STX19: variants seen among roughly 807,000 people sequenced by gnomAD.
STX19 encodes syntaxin-19.
Under a neutral mutation model 24.3 loss-of-function variants are expected in STX19, and 26 were observed. The ratio of observed to expected loss-of-function variants is 1.07; its 90% CI spans 0.78 to 1.48. STX19 has a LOEUF of 1.48. Ranked by LOEUF, STX19 falls within the 40% of genes most tolerant of loss-of-function variation. The probability of loss-of-function intolerance (pLI) is 0.00; values close to 1 mark genes in which losing one functional copy is unlikely to be tolerated. For synonymous variants in STX19, 116 were observed against 106.9 expected (o/e 1.09, Z -0.52); for missense variants, 367 against 331.9 (o/e 1.11, Z -0.82).
At chr3:94,017,157 A>G (rs903016533) in intron 1 of STX19, among the ~76,000 whole-genome samples, 1 of 152,128 alleles carries the variant, frequency 6.6e-6, no homozygotes, top group African/African-American at 2.4e-5. Flanking sequence ...AGATTGGAAA[A>G]CCATACCAAA....
intron 1 of STX19, among the ~76,000 whole-genome samples, chr3:94,018,240 G>A (rs1045682701): frequency 2.0e-5 from 3 of 146,690 alleles, no homozygotes; most frequent in Non-Finnish European, 4.5e-5. Flanking sequence ...TCTATATAGA[G>A]AATAGTTTCC....
intron 1 of STX19, among the ~76,000 whole-genome samples, chr3:94,019,040 A>G (rs1426282282): frequency 1.3e-5 from 2 of 152,140 alleles, no homozygotes; most frequent in Admixed American, 6.5e-5. Context: ...TGCTGGGATT[A>G]CAGCTGTGAG....
At chr3:94,017,569 TATATG>T (rs543032868) in intron 1 of STX19, among the ~76,000 whole-genome samples, 113 of 152,356 alleles carry the variant, frequency 7.4e-4, no homozygotes, top group African/African-American at 2.6e-3. Context: ...ATTGAAGTCT[TATATG>T]TATATAAGTT....
At chr3:94,027,645 A>G (rs1331947149) in intron 1 of STX19, among the ~76,000 whole-genome samples, 1 of 152,102 alleles carries the variant, frequency 6.6e-6, no homozygotes, top group African/African-American at 2.4e-5. Context: ...AATATTTATT[A>G]AATTCTAACA....
chr3:94,026,978 A>G (rs2076570989), intron 1 of STX19, among the ~76,000 whole-genome samples: 1 of 152,148 alleles, frequency 6.6e-6, no homozygotes, highest in Non-Finnish European at 1.5e-5. Context: ...TATTACAGAC[A>G]CTGAAAATCC....
intron 1 of STX19, among the ~76,000 whole-genome samples, chr3:94,020,091 A>G (rs1307906255): frequency 2.6e-5 from 4 of 152,142 alleles, no homozygotes; most frequent in Admixed American, 1.3e-4. Context: ...TTCTCCTCCC[A>G]GTATTAACTC....
In STX19 at chr3:94,015,280, C is replaced by T; in HGVS notation, c.-11G>A. 1 of 1,514,422 alleles carries T rather than the reference C, an allele frequency of 6.6e-7. No homozygotes were observed. The highest frequency in any genetic ancestry group is 1.4e-5 in the South Asian group (1 of 73,038). 93.8% of individuals were successfully genotyped at this position (1,514,422 alleles called of 1,614,324 possible). ...AAGTCGGTCTTTCATCTTCCCTTTCCTCCTAAGAAGCAAAAATTTTTGTGT... is the reference window on the plus strand; with the variant it reads ...AAGTCGGTCTTTCATCTTCCCTTTCTTCCTAAGAAGCAAAAATTTTTGTGT... On this transcript the variant is annotated splice_region_variant and 5_prime_UTR_variant, in exon 2 of 2. Coordinates refer to ENST00000315099, the MANE Select transcript of STX19 (RefSeq NM_001001850.3).
rs764659236 is a variant in STX19 at position 94,014,414 on chromosome 3, A to G, written c.856T>C (p.Trp286Arg). Residue 286 changes from tryptophan (W) to arginine (R), a missense_variant, in exon 2 of 2, where the codon TGG becomes CGG. By Grantham distance (101) the Trp-to-Arg change is moderately radical. Transcript: ENST00000315099. ...TTTGAGCTACAGCATGGACAGCACC[A>G]ACAACACAGTACTCTGCAAGGATTT... Reference protein sequence around the residue: ...KRNPCRVLCCWCCPCCSSK With the variant: ...KRNPCRVLCCRCCPCCSSK 8 of 1,563,208 alleles carry G rather than the reference A, an allele frequency of 5.1e-6. No individual in the cohort carries two copies. Among genetic ancestry groups the G allele is most frequent in the Non-Finnish European group, 6.9e-6 (8 of 1,163,042 alleles).
chr3:94,025,631 G>A (rs1422108665), intron 1 of STX19, among the ~76,000 whole-genome samples: 3 of 152,174 alleles, frequency 2.0e-5, no homozygotes, highest in Non-Finnish European at 4.4e-5. Flanking sequence ...AGAATGCTCT[G>A]AGTGTCCTGA....
intron 1 of STX19, among the ~76,000 whole-genome samples, chr3:94,020,324 A>C (rs911335290): frequency 6.6e-6 from 1 of 152,286 alleles, no homozygotes; most frequent in African/African-American, 2.4e-5. Context: ...CATGATCTCT[A>C]TTCTATAGAT....
At chr3:94,016,432 G>A (rs1369130803) in intron 1 of STX19, among the ~76,000 whole-genome samples, 1 of 152,002 alleles carries the variant, frequency 6.6e-6, no homozygotes, top group African/African-American at 2.4e-5. Flanking sequence ...GTAAAATTTG[G>A]AGGAATCTTT....
intron 1 of STX19, among the ~76,000 whole-genome samples, chr3:94,015,543 A>G (rs1238478446): frequency 6.6e-6 from 1 of 152,216 alleles, no homozygotes; most frequent in African/African-American, 2.4e-5. Context: ...TGATGCAGAC[A>G]CAGTTGGTCA....
intron 1 of STX19, 66 bp from the exon 2 acceptor site, chr3:94,015,348 C>T: frequency 8.1e-7 from 1 of 1,229,102 alleles, no homozygotes; most frequent in Non-Finnish European, 1.1e-6. Flanking sequence ...TAGCAGTTGA[C>T]TTCACATAAC....
intron 1 of STX19, among the ~76,000 whole-genome samples, chr3:94,018,890 C>T (rs1446677206): frequency 2.6e-5 from 4 of 152,036 alleles, no homozygotes; most frequent in African/African-American, 9.7e-5. Context: ...CTCAGCCTCC[C>T]GAGTGGCTGG....
rs2076295054 is a variant in STX19 at position 94,014,853 on chromosome 3, T to G, written c.417A>C (p.Ala139=). 2 of 1,613,990 alleles carry G rather than the reference T, an allele frequency of 1.2e-6. No individual in the cohort carries two copies. The highest frequency in any genetic ancestry group is 1.7e-6 in the Non-Finnish European group (2 of 1,179,988). ...VTRILKSQHA[A]MFRHFQQIMF... ...TGATTTGCTGAAAATGGCGGAACAT[T>G]GCAGCATGCTGAGATTTAAGTATCC... The change falls in exon 2 of 2, where the codon GCA becomes GCC. Residue 139 remains alanine (A), a synonymous_variant. Coordinates refer to ENST00000315099, the MANE Select transcript of STX19 (RefSeq NM_001001850.3).
intron 1 of STX19, among the ~76,000 whole-genome samples, chr3:94,016,132 GACAT>G (rs750279614): frequency 1.4e-4 from 22 of 151,774 alleles, no homozygotes; most frequent in South Asian, 2.1e-4. Flanking sequence ...TATATGAAAT[GACAT>G]ACATACATAT....
Position 94,015,282 on chromosome 3 carries a change from C to T in STX19, c.-13G>A, listed in dbSNP as rs1421210502. On this transcript the variant is annotated splice_region_variant and 5_prime_UTR_variant, in exon 2 of 2. Coordinates refer to ENST00000315099, the MANE Select transcript of STX19 (RefSeq NM_001001850.3). ...GTCGGTCTTTCATCTTCCCTTTCCTCCTAAGAAGCAAAAATTTTTGTGTTG... is the reference window on the plus strand; with the variant it reads ...GTCGGTCTTTCATCTTCCCTTTCCTTCTAAGAAGCAAAAATTTTTGTGTTG... 1.3e-6 allele frequency: 2 copies of T among 1,509,902 alleles called. No individual in the cohort carries two copies. The highest frequency in any genetic ancestry group is 8.8e-7 in the Non-Finnish European group (1 of 1,136,438). 93.5% of individuals were successfully genotyped at this position (1,509,902 alleles called of 1,614,324 possible).
At chr3:94,016,831 G>C (rs1381189957) in intron 1 of STX19, among the ~76,000 whole-genome samples, 1 of 151,980 alleles carries the variant, frequency 6.6e-6, no homozygotes, top group Admixed American at 6.6e-5. Flanking sequence ...ATTTTTGGTA[G>C]AGACAGGGTT....
chr3:94,021,181 A>ATT (rs995553123), intron 1 of STX19, among the ~76,000 whole-genome samples: 35 of 143,676 alleles, frequency 2.4e-4, no homozygotes, highest in East Asian at 1.0e-3. Context: ...GTTTAATATT[A>ATT]TTATATATAT....
Sources: allele counts gnomAD v4.1 joint callset (sites outside exome capture counted in the v4.1 genomes callset), GRCh38; gene constraint gnomAD v4.1.1; transcripts MANE v1.5; gene names NCBI Gene and HGNC (gene_info 2026-07-23, HGNC 2026-07-21).